SLC12A7: variants seen among roughly 807,000 people sequenced by gnomAD.
SLC12A7 encodes the protein K-Cl cotransporter 4.
In SLC12A7, 100 loss-of-function variants were observed where a neutral mutation model predicts 120.6. That is an observed-to-expected ratio of 0.83 (90% CI 0.71 to 0.98). SLC12A7 has a LOEUF of 0.98. Among genes scored for constraint, SLC12A7 ranks in the 50% least tolerant of loss-of-function variants. The pLI, the probability that SLC12A7 is intolerant of heterozygous loss-of-function variation, is 0.00. For synonymous variants in SLC12A7, 760 were observed against 678.0 expected, an observed-to-expected ratio of 1.12 and a Z score of -1.88; for missense variants, 1,373 against 1,548.1, an observed-to-expected ratio of 0.89 and a Z score of 1.90.
At chr5:1,149,439 T>C in the SLC12A7 span, among the ~76,000 whole-genome samples, 1 of 151,816 alleles carries the variant, frequency 6.6e-6, no homozygotes, top group Non-Finnish European at 1.5e-5. Context: ...TAGCCAGGCG[T>C]GGTGGCAGGT....
At chr5:1,136,641 GCAGGCACACA>G in the SLC12A7 span, among the ~76,000 whole-genome samples, 9 of 108,502 alleles carry the variant, frequency 8.3e-5, no homozygotes, top group African/African-American at 2.8e-4. Flanking sequence ...ACCAGGACAC[GCAGGCACACA>G]TGTGCTCAGA....
the SLC12A7 span, among the ~76,000 whole-genome samples, chr5:1,155,410 C>A: frequency 6.6e-6 from 1 of 152,168 alleles, no homozygotes; most frequent in African/African-American, 2.4e-5. Flanking sequence ...CAGAGGGCGC[C>A]CCGGGAGCTG....
At position 1,068,451 on chromosome 5, in the gene SLC12A7, T is replaced by A. The variant is rs1737287790; in HGVS notation, c.2242-2973A>T. Among the ~76,000 whole-genome samples the A allele has an allele frequency of 1.3e-5, 2 of 152,194 alleles. 1 individual carries two copies. Among genetic ancestry groups the A allele is most frequent in the South Asian group, 4.2e-4 (2 of 4,800 alleles). ...TCTGTCTCAAAAAATAAATAAAAAT[T>A]AAAAAACAAATAAATAAAAAAGATT... On this transcript the variant is annotated intron_variant, in intron 17 of 23. Transcript: ENST00000264930.
At position 1,085,285 on chromosome 5, in the gene SLC12A7, G is replaced by A; in HGVS notation, c.864C>T (p.Ile288=). The change falls in exon 7 of 24, where the codon ATC becomes ATT. Residue 288 remains isoleucine (I), a synonymous_variant. Coordinates refer to ENST00000264930, the MANE Select transcript of SLC12A7 (RefSeq NM_006598.3). ...TGATGACGCCGGCATAGATGGCCAG[G>A]ATGGACAGCACGACGCAGGCCAGGA... ...LVFLACVVLS[I]LAIYAGVIKS... is the part of the protein sequence containing the mutation. 1 of 1,612,670 alleles carries A rather than the reference G, an allele frequency of 6.2e-7. No individual in the cohort carries two copies. Among genetic ancestry groups the A allele is most frequent in the Non-Finnish European group, 8.5e-7 (1 of 1,179,886 alleles).
At chr5:1,075,312 C>T in intron 15 of SLC12A7, 59 bp downstream of exon 15, 3 of 1,575,870 alleles carry the variant, frequency 1.9e-6, no homozygotes, top group Non-Finnish European at 2.6e-6. Context: ...CCAGGCATAG[C>T]ATGAGAGGGG....
the SLC12A7 span, among the ~76,000 whole-genome samples, chr5:1,119,955 G>A: frequency 6.6e-6 from 1 of 152,236 alleles, no homozygotes; most frequent in African/African-American, 2.4e-5. Flanking sequence ...TGTCACCATG[G>A]CCCAGGCAGC....
chr5:1,054,324 G>A (rs147742480), intron 22 of SLC12A7, among the ~76,000 whole-genome samples: 2,070 of 152,356 alleles, frequency 0.014, 22 homozygotes, highest in Non-Finnish European at 0.019. Flanking sequence ...GCCTGGGCCC[G>A]GCCACAGCCC....
chr5:1,112,044 C>G lies in SLC12A7; in HGVS notation c.-53G>C, dbSNP rs1743064275. 3 of 1,214,390 alleles carry G rather than the reference C, an allele frequency of 2.5e-6. No individual in the cohort carries two copies. The African/African-American group carries it at 4.7e-5, about 19-fold the overall frequency. 75.2% of individuals were successfully genotyped at this position (1,214,390 alleles called of 1,614,324 possible). ...CCGGCCCGGCCCGCGCTGCGCCGCT[C>G]CCGCCGACGCCACGGGACTTGGAGG... On this transcript the variant is annotated 5_prime_UTR_variant, in exon 1 of 24. Transcript: ENST00000264930.
At chr5:1,102,693 C>CCGGCTCCCTGCACT (rs1412315111) in intron 1 of SLC12A7, among the ~76,000 whole-genome samples, 2 of 152,234 alleles carry the variant, frequency 1.3e-5, no homozygotes, top group East Asian at 3.9e-4. Flanking sequence ...TCCAGGCTTC[C>CCGGCTCCCTGCACT]CGGCTCCCTG....
At chr5:1,121,416 C>A in the SLC12A7 span, among the ~76,000 whole-genome samples, 1 of 152,220 alleles carries the variant, frequency 6.6e-6, no homozygotes, top group Non-Finnish European at 1.5e-5. Flanking sequence ...ACATCAGCGC[C>A]CGTGTGCGGA....
At chr5:1,144,066 G>A in the SLC12A7 span, among the ~76,000 whole-genome samples, 1 of 152,224 alleles carries the variant, frequency 6.6e-6, no homozygotes, top group African/African-American at 2.4e-5. Flanking sequence ...TAGGGAGGGG[G>A]CGAACAGCCC....
chr5:1,089,066 G>A lies in SLC12A7; in HGVS notation c.405C>T (p.Val135=). 1.9e-6 allele frequency: 3 copies of A among 1,613,046 alleles called. No homozygotes were observed. The highest frequency in any genetic ancestry group is 2.5e-6 in the Non-Finnish European group (3 of 1,179,988). The change falls in exon 4 of 24, where the codon GTC becomes GTT. Residue 135 remains valine (V), a synonymous_variant. Transcript: ENST00000264930. ...TCCACGTCAGGCGCAGGAAGAGGAT[G>A]ACGCCCAGGATGTTCTGCAGGCACG... The part of the protein sequence containing the change: ...YLPCLQNILG[V]ILFLRLTWIV...
At chr5:1,105,478 G>A (rs374877338) in intron 1 of SLC12A7, among the ~76,000 whole-genome samples, 12 of 152,204 alleles carry the variant, frequency 7.9e-5, no homozygotes, top group East Asian at 3.9e-4. Flanking sequence ...CCTGCCCCCC[G>A]GCACTCCCGG....
At chr5:1,076,358 G>A in intron 13 of SLC12A7, 122 bp from the exon 14 acceptor site, 1 of 545,342 alleles carries the variant, frequency 1.8e-6, no homozygotes. Context: ...CCCCATGTCT[G>A]TCTCTGCACG....
At chr5:1,054,548 C>G (rs1579304306) in intron 22 of SLC12A7, among the ~76,000 whole-genome samples, 1 of 152,230 alleles carries the variant, frequency 6.6e-6, no homozygotes, top group African/African-American at 2.4e-5. Flanking sequence ...TTGGAAAAAC[C>G]CGGCCCGTGT....
chr5:1,112,108 G>A (rs1465365041), upstream of SLC12A7: 1 of 1,125,708 alleles, frequency 8.9e-7, no homozygotes, highest in South Asian at 4.5e-5. Flanking sequence ...GCCCCGCCCG[G>A]GCCACGTGAC....
In SLC12A7 at chr5:1,083,910, C is replaced by A; in HGVS notation, c.964G>T (p.Ala322Ser). ...NRTLSRRSFD[A>S]CVKAYGIHNN... ...TGGATGCCGTAGGCCTTGACGCAGG[C>A]ATCGAAGCTGCGCCGTGACAGCGTG... is the stretch of plus-strand genomic sequence containing the variant. Residue 322 changes from alanine to serine, a missense_variant, in exon 8 of 24, where the codon GCC becomes TCC. Physicochemically the swap from Ala to Ser is moderately conservative, Grantham distance 99. Coordinates refer to ENST00000264930, the MANE Select transcript of SLC12A7 (RefSeq NM_006598.3). The A allele has an allele frequency of 6.2e-7, 1 of 1,607,092 alleles. No individual in the cohort carries two copies. The highest frequency in any genetic ancestry group is 8.5e-7 in the Non-Finnish European group (1 of 1,179,264).
chr5:1,127,685 A>T, the SLC12A7 span, among the ~76,000 whole-genome samples: 1 of 152,214 alleles, frequency 6.6e-6, no homozygotes, highest in South Asian at 2.1e-4. Flanking sequence ...AAAGAAACAG[A>T]AGCTCTGAAT....
chr5:1,069,400 G>T (rs1171498828), intron 17 of SLC12A7, among the ~76,000 whole-genome samples: 1 of 152,236 alleles, frequency 6.6e-6, no homozygotes, highest in African/African-American at 2.4e-5. Context: ...AAACGGACCG[G>T]GGAGGCGGTG....
Sources: allele counts gnomAD v4.1 joint callset (sites outside exome capture counted in the v4.1 genomes callset), GRCh38; gene constraint gnomAD v4.1.1; transcripts MANE v1.5; gene names NCBI Gene and HGNC (gene_info 2026-07-23, HGNC 2026-07-21).